Variants in GNG2 observed in about 807,000 individuals in gnomAD.
GNG2 encodes guanine nucleotide-binding protein G(I)/G(S)/G(O) subunit gamma-2.
In GNG2, 5 loss-of-function variants were observed where a neutral mutation model predicts 5.5. The observed-to-expected ratio is 0.91, with a 90% confidence interval of 0.48 to 1.92. GNG2 has a LOEUF of 1.92. Among genes scored for constraint, GNG2 ranks in the 30% most tolerant of loss-of-function variants. The pLI, the probability that GNG2 is intolerant of heterozygous loss-of-function variation, is 0.01. For synonymous variants in GNG2, 28 were observed against 32.0 expected, an observed-to-expected ratio of 0.88 and a Z score of 0.42; for missense variants, 55 against 88.4, an observed-to-expected ratio of 0.62 and a Z score of 1.52.
intron 2 of GNG2, among the ~76,000 whole-genome samples, chr14:51,834,707 T>C (rs1392238366): frequency 1.3e-5 from 2 of 152,230 alleles, no homozygotes; most frequent in Non-Finnish European, 1.5e-5. Flanking sequence ...GCACTGGAGA[T>C]GTCACCTAAG....
intron 1 of GNG2, among the ~76,000 whole-genome samples, chr14:51,870,183 A>G (rs1017748701): frequency 1.3e-5 from 2 of 152,308 alleles, no homozygotes; most frequent in African/African-American, 4.8e-5. Flanking sequence ...AAACACGAAC[A>G]AAAGCCTTGT....
intron 1 of GNG2, among the ~76,000 whole-genome samples, chr14:51,875,947 C>CTTTTTCTTTTT (rs1555350571): frequency 7.1e-6 from 1 of 141,126 alleles, no homozygotes; most frequent in South Asian, 2.2e-4. Context: ...ACATTTTTTT[C>CTTTTTCTTTTT]TTTTTTCCGA....
At chr14:51,917,401 G>A in intron 2 of GNG2, 1 of 456,062 alleles carries the variant, frequency 2.2e-6, no homozygotes, top group Non-Finnish European at 4.4e-6. Context: ...ATGGCTGGTT[G>A]CCTTCATACT....
At chr14:51,945,788 A>G (rs75667286) in intron 2 of GNG2, among the ~76,000 whole-genome samples, 3 of 149,932 alleles carry the variant, frequency 2.0e-5, no homozygotes, top group Non-Finnish European at 4.4e-5. Flanking sequence ...GTGTATGTGT[A>G]TGTGTGTGTG....
intron 3 of GNG2, among the ~76,000 whole-genome samples, chr14:51,955,608 C>G (rs901471365): frequency 6.6e-6 from 1 of 152,174 alleles, no homozygotes; most frequent in Non-Finnish European, 1.5e-5. Flanking sequence ...TTCCCCATGA[C>G]ATTCCCAGTT....
At chr14:51,855,251 TCA>T in intron 2 of GNG2, among the ~76,000 whole-genome samples, 1 of 152,324 alleles carries the variant, frequency 6.6e-6, no homozygotes, top group Middle Eastern at 3.4e-3. Context: ...GAGTTGGCTA[TCA>T]CTCTTCATGT....
chr14:51,928,590 G>A (rs1477353322), intron 2 of GNG2, among the ~76,000 whole-genome samples: 1 of 151,980 alleles, frequency 6.6e-6, no homozygotes, highest in Non-Finnish European at 1.5e-5. Context: ...TGTGGCAAAC[G>A]GATTCAGTTT....
intron 2 of GNG2, among the ~76,000 whole-genome samples, chr14:51,891,096 C>T (rs1374617561): frequency 6.6e-6 from 1 of 152,186 alleles, no homozygotes; most frequent in Non-Finnish European, 1.5e-5. Flanking sequence ...CATGTAGATT[C>T]CTCTCATACC....
At chr14:51,853,214 A>T (rs1355005804) in intron 2 of GNG2, among the ~76,000 whole-genome samples, 1 of 152,220 alleles carries the variant, frequency 6.6e-6, no homozygotes, top group Non-Finnish European at 1.5e-5. Context: ...TTAACAAACA[A>T]ATACTGAGTG....
intron 2 of GNG2, among the ~76,000 whole-genome samples, chr14:51,910,133 T>C (rs562791189): frequency 6.6e-6 from 1 of 152,302 alleles, no homozygotes; most frequent in South Asian, 2.1e-4. Flanking sequence ...TACAATAATA[T>C]AATCACAAAT....
chr14:51,828,545 T>A (rs1343399670), intron 2 of GNG2, among the ~76,000 whole-genome samples: 2 of 151,866 alleles, frequency 1.3e-5, no homozygotes, highest in Non-Finnish European at 2.9e-5. Flanking sequence ...GAAGAAAACA[T>A]GTTGTTTTCA....
At chr14:51,951,453 A>G (rs1055711491) in intron 3 of GNG2, among the ~76,000 whole-genome samples, 1 of 152,194 alleles carries the variant, frequency 6.6e-6, no homozygotes, top group African/African-American at 2.4e-5. Flanking sequence ...TGCTGTCGTT[A>G]TTAATAGATA....
chr14:51,891,638 C>T (rs574442022), intron 2 of GNG2, among the ~76,000 whole-genome samples: 6 of 152,168 alleles, frequency 3.9e-5, no homozygotes, highest in Non-Finnish European at 8.8e-5. Context: ...TTTAGTTTCA[C>T]CTGTTTTAGA....
chr14:51,888,774 G>A (rs1884634936), intron 2 of GNG2, among the ~76,000 whole-genome samples: 2 of 152,114 alleles, frequency 1.3e-5, no homozygotes, highest in African/African-American at 2.4e-5. Flanking sequence ...TACGCAGCTG[G>A]AATCTGGTTC....
intron 2 of GNG2, among the ~76,000 whole-genome samples, chr14:51,884,361 T>A (rs375074730): frequency 2.6e-4 from 39 of 152,342 alleles, no homozygotes; most frequent in Admixed American, 5.2e-4. Context: ...TAAACCTTAA[T>A]GTAGTTCTTT....
rs1219455627 is a variant in GNG2 at position 51,952,335 on chromosome 14, C to T, written c.87+1570C>T. On this transcript the variant is annotated intron_variant, in intron 3 of 3. Transcript: ENST00000556766. Reference sequence around the variant, plus strand: ...TTCATGACTGAGATCACTAAAGCGACCTTACCGTGCTCCTTTGCCATCTTC... The same window carrying T: ...TTCATGACTGAGATCACTAAAGCGATCTTACCGTGCTCCTTTGCCATCTTC... Among the ~76,000 whole-genome samples, 4 of 152,196 alleles carry T rather than the reference C, an allele frequency of 2.6e-5. No individual in the cohort carries two copies. The South Asian group carries it at 6.2e-4, about 24-fold the overall frequency.
intron 2 of GNG2, among the ~76,000 whole-genome samples, chr14:51,828,378 T>C (rs974000008): frequency 2.0e-5 from 3 of 152,168 alleles, no homozygotes; most frequent in Non-Finnish European, 4.4e-5. Flanking sequence ...CAGGGCACAA[T>C]TGTTATCATA....
At chr14:51,833,596 G>A (rs916914743) in intron 2 of GNG2, among the ~76,000 whole-genome samples, 2 of 152,208 alleles carry the variant, frequency 1.3e-5, no homozygotes, top group Non-Finnish European at 2.9e-5. Flanking sequence ...AAAACTTAAT[G>A]TGGACCATCC....
chr14:51,957,319 C>T (rs1051649958), intron 3 of GNG2, among the ~76,000 whole-genome samples: 3 of 152,150 alleles, frequency 2.0e-5, no homozygotes, highest in Admixed American at 6.5e-5. Context: ...CTCAATCCCT[C>T]CACTTCCCCT....
Sources: gnomAD v4.1 joint callset for allele counts (sites outside exome capture counted in the v4.1 genomes callset) on GRCh38, gnomAD v4.1.1 for gene constraint, MANE v1.5 for transcripts, NCBI Gene and HGNC (gene_info 2026-07-23, HGNC 2026-07-21) for gene names.